The following CDH12 variants were observed in gnomAD, a reference collection of about 807,000 sequenced individuals.
CDH12 encodes cadherin-12.
CDH12 carries 41 observed loss-of-function variants against 74.1 expected under a neutral mutation model. The observed-to-expected ratio is 0.55, with a 90% confidence interval of 0.43 to 0.72. CDH12 has a LOEUF of 0.72. Among genes scored for constraint, CDH12 ranks in the 30% least tolerant of loss-of-function variants. CDH12 has a pLI of 0.00. For synonymous variants in CDH12, 399 were observed against 355.0 expected, an observed-to-expected ratio of 1.12 and a Z score of -1.39; for missense variants, 945 against 977.2, an observed-to-expected ratio of 0.97 and a Z score of 0.44.
intron 6 of CDH12, among the ~76,000 whole-genome samples, chr5:21,948,394 G>A (rs1375398197): frequency 6.6e-6 from 1 of 152,224 alleles, no homozygotes; most frequent in South Asian, 2.1e-4. Context: ...TTATTTTAAA[G>A]CTTTATGTTT....
chr5:22,078,587 A>G lies in CDH12; in HGVS notation c.90T>C (p.Thr30=). ...CATTTTCTCTTGGCTCTGTGGCTAA[A>G]GTCTGCTGTGGCTGTGGTTGTAGTG... ...LTPLQPQPQQ[T]LATEPRENVI... The change falls in exon 5 of 15, where the codon ACT becomes ACC. Residue 30 remains threonine (T), a synonymous_variant. Coordinates refer to ENST00000382254, the MANE Select transcript of CDH12 (RefSeq NM_004061.5). 1 of 1,613,972 alleles carries G rather than the reference A, an allele frequency of 6.2e-7. No individual in the cohort carries two copies. The highest frequency in any genetic ancestry group is 8.5e-7 in the Non-Finnish European group (1 of 1,179,886).
chr5:22,705,130 T>TATATATATATATATAC (rs752782183), intron 1 of CDH12, among the ~76,000 whole-genome samples: 1 of 125,616 alleles, frequency 8.0e-6, no homozygotes, highest in Admixed American at 8.3e-5. Context: ...TATATATATA[T>TATATATATATATATAC]ACACACACAC....
At chr5:22,419,669 G>C (rs2126492437) in intron 2 of CDH12, among the ~76,000 whole-genome samples, 1 of 152,242 alleles carries the variant, frequency 6.6e-6, no homozygotes, top group East Asian at 1.9e-4. Flanking sequence ...TATAGCCAGT[G>C]ATGGGATTGC....
At chr5:22,714,006 C>G (rs371037483) in intron 1 of CDH12, among the ~76,000 whole-genome samples, 1 of 152,172 alleles carries the variant, frequency 6.6e-6, no homozygotes, top group Non-Finnish European at 1.5e-5. Flanking sequence ...TCCTATTTCA[C>G]GTTATGTTGT....
At chr5:22,718,551 T>TGA (rs1436556954) in intron 1 of CDH12, among the ~76,000 whole-genome samples, 2 of 152,124 alleles carry the variant, frequency 1.3e-5, no homozygotes, top group African/African-American at 2.4e-5. Flanking sequence ...AGATCCTTAC[T>TGA]GAGAGAGAGA....
chr5:22,283,542 T>G (rs191128827), intron 3 of CDH12, among the ~76,000 whole-genome samples: 1 of 151,884 alleles, frequency 6.6e-6, no homozygotes, highest in African/African-American at 2.4e-5. Context: ...TTTTCACTTA[T>G]ATGTGGAATC....
intron 6 of CDH12, chr5:21,883,467 G>C (rs1752465852): frequency 1.2e-6 from 2 of 1,612,250 alleles, no homozygotes; most frequent in South Asian, 2.2e-5. Context: ...TAGGCTAAAG[G>C]TTGGTCTTCA....
intron 6 of CDH12, among the ~76,000 whole-genome samples, chr5:21,927,452 A>G (rs1488606730): frequency 5.3e-5 from 8 of 151,114 alleles, no homozygotes; most frequent in Admixed American, 2.6e-4. Flanking sequence ...GCTGAGTATG[A>G]TGATGGCGTG....
chr5:22,839,428 G>A (rs546977156), intron 1 of CDH12, among the ~76,000 whole-genome samples: 16 of 146,650 alleles, frequency 1.1e-4, no homozygotes, highest in Admixed American at 9.8e-4. Context: ...GTGCTATCTC[G>A]GCTCACTGCA....
chr5:22,040,216 A>T (rs1424127818), intron 5 of CDH12, among the ~76,000 whole-genome samples: 3 of 152,046 alleles, frequency 2.0e-5, no homozygotes, highest in African/African-American at 7.2e-5. Context: ...GTCAAGCAGA[A>T]GAAACAATCT....
intron 8 of CDH12, among the ~76,000 whole-genome samples, chr5:21,832,502 TG>T (rs1442735451): frequency 6.6e-6 from 1 of 151,798 alleles, no homozygotes; most frequent in African/African-American, 2.4e-5. Context: ...TCAAAGCACA[TG>T]TATGTGACAT....
intron 4 of CDH12, among the ~76,000 whole-genome samples, chr5:22,129,263 C>T (rs1272127834): frequency 6.6e-6 from 1 of 152,160 alleles, no homozygotes; most frequent in Non-Finnish European, 1.5e-5. Flanking sequence ...TCTGAGTTTC[C>T]ATATCTTCAT....
intron 6 of CDH12, among the ~76,000 whole-genome samples, chr5:21,954,375 TGTGA>T (rs1756000763): frequency 6.6e-6 from 1 of 151,958 alleles, no homozygotes; most frequent in Non-Finnish European, 1.5e-5. Flanking sequence ...GAGTAGTGTG[TGTGA>T]GTGCCTGCAC....
chr5:22,031,195 G>C (rs755761584), intron 5 of CDH12, among the ~76,000 whole-genome samples: 1 of 151,950 alleles, frequency 6.6e-6, no homozygotes, highest in Non-Finnish European at 1.5e-5. Flanking sequence ...TTAGCCAGGC[G>C]TGGTGGTAGG....
chr5:22,313,027 G>A lies in CDH12; in HGVS notation c.-333+92230C>T, dbSNP rs1250478892. On this transcript the variant is annotated intron_variant, in intron 3 of 14. Coordinates refer to ENST00000382254, the MANE Select transcript of CDH12 (RefSeq NM_004061.5). The stretch of plus-strand genomic sequence containing the variant: ...TGTTTTGGGGAGTTGTGAAGTGCAC[G>A]TTATCAGCATCCTAGGCCACTACAT... 2.0e-5 allele frequency among the ~76,000 whole-genome samples: 3 copies of A among 152,282 alleles called. No homozygotes were observed. In the South Asian group the frequency reaches 6.2e-4, roughly 32 times the overall value.
At chr5:22,444,373 G>A (rs992643094) in intron 2 of CDH12, among the ~76,000 whole-genome samples, 47 of 151,938 alleles carry the variant, frequency 3.1e-4, no homozygotes, top group Admixed American at 7.9e-4. Flanking sequence ...CTCGTTTGTA[G>A]TTGTCTAATT....
Position 22,734,985 on chromosome 5 carries a change from G to A in CDH12, c.-523+118073C>T, listed in dbSNP as rs547838617. 2.6e-5 allele frequency among the ~76,000 whole-genome samples: 4 copies of A among 151,844 alleles called. No homozygotes were observed. In the East Asian group the frequency reaches 7.7e-4, roughly 29 times the overall value. Reference sequence around the variant, plus strand: ...AATTATGGAATATTATTCCTTCTTGGCCATCTATGCTCAGTTTAAGGATTC... The same window carrying A: ...AATTATGGAATATTATTCCTTCTTGACCATCTATGCTCAGTTTAAGGATTC... On this transcript the variant is annotated intron_variant, in intron 1 of 14. Coordinates refer to ENST00000382254, the MANE Select transcript of CDH12 (RefSeq NM_004061.5).
Position 22,838,233 on chromosome 5 carries a change from G to T in CDH12, c.-523+14825C>A, listed in dbSNP as rs79728954. On this transcript the variant is annotated intron_variant, in intron 1 of 14. Coordinates refer to ENST00000382254, the MANE Select transcript of CDH12 (RefSeq NM_004061.5). ...GACCCGTAGAAGTAGTTGTTCAAAG[G>T]GGGCAACAGCTTCTTGTAGACCTCT... Among the ~76,000 whole-genome samples the T allele has an allele frequency of 1.9e-3, 284 of 152,120 alleles. 7 individuals carry two copies. The East Asian group carries it at 0.047, about 25-fold the overall frequency.
At chr5:21,802,576 G>T (rs1191622921) in intron 9 of CDH12, among the ~76,000 whole-genome samples, 156 bp from the exon 10 acceptor site, 1 of 147,450 alleles carries the variant, frequency 6.8e-6, no homozygotes, top group African/African-American at 2.5e-5. Context: ...GCAGCACAAG[G>T]CAAACCATTT....
Sources: allele counts gnomAD v4.1 joint callset (sites outside exome capture counted in the v4.1 genomes callset), GRCh38; gene constraint gnomAD v4.1.1; transcripts MANE v1.5; gene names NCBI Gene and HGNC (gene_info 2026-07-23, HGNC 2026-07-21).